Variants in ARHGAP6 observed in about 807,000 individuals in gnomAD.
The protein encoded by ARHGAP6 is Rho GTPase activating protein 6.
ARHGAP6 carries 16 observed loss-of-function variants against 55.7 expected under a neutral mutation model. The ratio of observed to expected loss-of-function variants is 0.29; its 90% CI spans 0.19 to 0.44. ARHGAP6 has a LOEUF of 0.44. ARHGAP6 is among the 20% of genes least tolerant of loss of function. ARHGAP6 has a pLI of 1.00. For missense variants in ARHGAP6, 698 were observed against 808.9 expected (o/e 0.86, Z 1.66); for synonymous variants, 382 against 360.9 (o/e 1.06, Z -0.66).
intron 1 of ARHGAP6, among the ~76,000 whole-genome samples, chrX:11,264,822 A>G (rs774640901): frequency 4.5e-5 from 5 of 111,825 alleles, no homozygotes; most frequent in Non-Finnish European, 9.4e-5. Flanking sequence ...TTACTGTTCT[A>G]AGCCTTTTAT....
chrX:11,448,395 C>A (rs1002883972), intron 1 of ARHGAP6, among the ~76,000 whole-genome samples: 13 of 111,812 alleles, frequency 1.2e-4, no homozygotes, highest in Non-Finnish European at 1.9e-5. Flanking sequence ...AAAATGAGTG[C>A]ACAAATATGC....
At chrX:11,319,148 C>G (rs1952017423) in intron 1 of ARHGAP6, among the ~76,000 whole-genome samples, 1 of 111,917 alleles carries the variant, frequency 8.9e-6, no homozygotes, top group African/African-American at 3.3e-5. Context: ...ATATCTATAT[C>G]TATATCTATG....
At chrX:11,348,406 G>A (rs189853268) in intron 1 of ARHGAP6, among the ~76,000 whole-genome samples, 69 of 111,599 alleles carry the variant, frequency 6.2e-4, no homozygotes, top group Middle Eastern at 4.6e-3. Context: ...ACAGCAAAGA[G>A]TCCCCATCAT....
chrX:11,379,198 G>A (rs1215879596), intron 1 of ARHGAP6, among the ~76,000 whole-genome samples: 1 of 112,206 alleles, frequency 8.9e-6, no homozygotes, highest in East Asian at 2.8e-4. Flanking sequence ...AGAAGCACAA[G>A]TGGACAAGTG....
In ARHGAP6 at chrX:11,138,922, G is replaced by C; in HGVS notation, c.2866C>G (p.Gln956Glu). 1 of 1,188,784 alleles carries C rather than the reference G, an allele frequency of 8.4e-7. No individual in the cohort carries two copies. The highest frequency in any genetic ancestry group is 1.1e-6 in the Non-Finnish European group (1 of 887,980). Residue 956 changes from glutamine (Q) to glutamate (E), a missense_variant, in exon 13 of 13, where the codon CAG (glutamine) becomes GAG (glutamate). Gln to Glu is a conservative substitution (Grantham distance 29). Transcript: ENST00000337414. ...GWLDWQRERWQIWELLSTDNP... is the reference protein window; with the variant it reads ...GWLDWQRERWEIWELLSTDNP... ...TCGGTCGACAGGAGCTCCCAGATCT[G>C]CCAGCGCTCTCTCTGCCAGTCGAGC...
intron 1 of ARHGAP6, among the ~76,000 whole-genome samples, chrX:11,611,873 C>G (rs1193966103): frequency 9.2e-6 from 1 of 108,468 alleles, no homozygotes; most frequent in East Asian, 2.9e-4. Context: ...AACTGAGTGA[C>G]TATAATATGC....
intron 1 of ARHGAP6, among the ~76,000 whole-genome samples, chrX:11,282,316 C>T (rs2047866560): frequency 8.9e-6 from 1 of 111,979 alleles, no homozygotes; most frequent in African/African-American, 3.2e-5. Flanking sequence ...ATGCAATATT[C>T]CTGAATAAAT....
chrX:11,188,777 T>C lies in ARHGAP6; in HGVS notation c.1028A>G (p.Glu343Gly), dbSNP rs747591432. 2 of 1,212,090 alleles carry C rather than the reference T, an allele frequency of 1.7e-6. No homozygotes were observed. Among genetic ancestry groups the C allele is most frequent in the Admixed American group, 4.3e-5 (2 of 46,090 alleles). Residue 343 changes from glutamate (E) to glycine (G), a missense_variant, in exon 4 of 13, where the codon GAG becomes GGG. By Grantham distance (98) the Glu-to-Gly change is moderately conservative. Transcript: ENST00000337414. ...SLSSTSETPN[E>G]STSPNTPEPA... ...TTCCGGGGTGTTTGGGGACGTTGAC[T>C]CATTCGGTGTTTCTGAGGTTGAGCT...
intron 2 of ARHGAP6, among the ~76,000 whole-genome samples, chrX:11,198,204 CCTT>C (rs1260120667): frequency 8.9e-6 from 1 of 111,865 alleles, no homozygotes; most frequent in Non-Finnish European, 1.9e-5. Flanking sequence ...TTCAATCCTT[CCTT>C]CTTTTCAAAG....
At chrX:11,283,442 G>T (rs376932631) in intron 1 of ARHGAP6, among the ~76,000 whole-genome samples, 2 of 111,724 alleles carry the variant, frequency 1.8e-5, no homozygotes, top group African/African-American at 3.3e-5. Flanking sequence ...AATTTTGCTG[G>T]AGAATAAAGG....
At chrX:11,547,837 C>A (rs774122406) in intron 1 of ARHGAP6, among the ~76,000 whole-genome samples, 4 of 111,878 alleles carry the variant, frequency 3.6e-5, no homozygotes, top group Admixed American at 9.5e-5. Flanking sequence ...CTTTAAATAC[C>A]CCCTAAGGAA....
At chrX:11,518,292 C>T (rs1251550322) in intron 1 of ARHGAP6, among the ~76,000 whole-genome samples, 4 of 109,885 alleles carry the variant, frequency 3.6e-5, no homozygotes, top group Non-Finnish European at 7.6e-5. Context: ...AGATGCATAC[C>T]ACCACACTTG....
At chrX:11,393,242 T>C (rs1320358643) in intron 1 of ARHGAP6, among the ~76,000 whole-genome samples, 1 of 110,806 alleles carries the variant, frequency 9.0e-6, no homozygotes, top group East Asian at 2.8e-4. Flanking sequence ...TTTAAAAAAG[T>C]AATACTTTTT....
intron 2 of ARHGAP6, among the ~76,000 whole-genome samples, chrX:11,207,450 T>C (rs2046722297): frequency 2.7e-5 from 3 of 112,352 alleles, no homozygotes; most frequent in Middle Eastern, 4.6e-3. Context: ...TTCCAATTAA[T>C]AGGAATTCCA....
At chrX:11,195,987 A>AAT (rs770765295) in intron 3 of ARHGAP6, among the ~76,000 whole-genome samples, 1 of 95,480 alleles carries the variant, frequency 1.0e-5, no homozygotes, top group Non-Finnish European at 2.1e-5. Context: ...AAAAAAAAAA[A>AAT]GCCGGTTGTG....
At chrX:11,488,539 G>A (rs1329492126) in intron 1 of ARHGAP6, among the ~76,000 whole-genome samples, 1 of 110,590 alleles carries the variant, frequency 9.0e-6, no homozygotes, top group Non-Finnish European at 1.9e-5. Flanking sequence ...TCTATACCAA[G>A]GGTACCCAAC....
At chrX:11,491,912 G>C (rs973099807) in intron 1 of ARHGAP6, among the ~76,000 whole-genome samples, 51 of 107,277 alleles carry the variant, frequency 4.8e-4, no homozygotes, top group African/African-American at 1.7e-3. Context: ...CATTCTAACA[G>C]GTGTAAGATG....
chrX:11,173,218 G>A (rs915038566), intron 8 of ARHGAP6, among the ~76,000 whole-genome samples: 18 of 112,034 alleles, frequency 1.6e-4, no homozygotes, highest in East Asian at 5.6e-4. Flanking sequence ...ATGGGGAAAC[G>A]GGAAAACGAG....
intron 1 of ARHGAP6, among the ~76,000 whole-genome samples, chrX:11,568,639 C>T (rs1030339968): frequency 7.3e-5 from 8 of 110,026 alleles, no homozygotes; most frequent in African/African-American, 2.6e-4. Flanking sequence ...CACCTGTAAT[C>T]CCAGCTACTC....
Sources: allele counts gnomAD v4.1 joint callset (sites outside exome capture counted in the v4.1 genomes callset), GRCh38; gene constraint gnomAD v4.1.1; transcripts MANE v1.5; gene names NCBI Gene and HGNC (gene_info 2026-07-23, HGNC 2026-07-21).